DMD: variants seen among roughly 807,000 people sequenced by gnomAD.
DMD encodes dystrophin.
In DMD, 63 loss-of-function variants were observed where a neutral mutation model predicts 330.1. The ratio of observed to expected loss-of-function variants is 0.19; its 90% CI spans 0.16 to 0.24. The LOEUF (loss-of-function observed/expected upper bound fraction) is 0.24. Among genes scored for constraint, DMD ranks in the 10% least tolerant of loss-of-function variants. The probability of loss-of-function intolerance (pLI) is 1.00; values close to 1 mark genes in which losing one functional copy is unlikely to be tolerated. For synonymous variants in DMD, 1,223 were observed against 959.8 expected (o/e 1.27, Z -5.07); for missense variants, 3,344 against 2,684.1 (o/e 1.25, Z -5.43).
intron 1 of DMD, among the ~76,000 whole-genome samples, chrX:33,301,047 G>A (rs1465384831): frequency 2.7e-5 from 3 of 111,654 alleles, no homozygotes; most frequent in Non-Finnish European, 5.6e-5. Context: ...TGCACTCGCT[G>A]TCCTTCAGTA....
intron 21 of DMD, among the ~76,000 whole-genome samples, chrX:32,475,311 T>C (rs1171274439): frequency 9.0e-6 from 1 of 111,651 alleles, no homozygotes; most frequent in African/African-American, 3.3e-5. Flanking sequence ...TTTGTTCTTT[T>C]TGCTTAGTCT....
intron 2 of DMD, among the ~76,000 whole-genome samples, chrX:32,912,715 T>G (rs1049696764): frequency 2.7e-5 from 3 of 111,594 alleles, no homozygotes; most frequent in Non-Finnish European, 5.6e-5. Context: ...GCAAGACTAT[T>G]TCTCTTTTAG....
chrX:33,025,239 A>G (rs2093974916), intron 1 of DMD, among the ~76,000 whole-genome samples: 1 of 112,262 alleles, frequency 8.9e-6, no homozygotes, highest in Non-Finnish European at 1.9e-5. Context: ...GGAGGAGGAT[A>G]AAGATGAATC....
At chrX:33,192,504 A>G (rs1239587206) in intron 1 of DMD, among the ~76,000 whole-genome samples, 1 of 112,242 alleles carries the variant, frequency 8.9e-6, no homozygotes, top group Non-Finnish European at 1.9e-5. Flanking sequence ...AATATGCAAC[A>G]ATTTAATTTC....
intron 47 of DMD, among the ~76,000 whole-genome samples, chrX:31,914,009 A>G (rs16989951): frequency 0.014 from 1,600 of 112,325 alleles, 29 homozygotes; most frequent in African/African-American, 0.047. Context: ...CATCACCACA[A>G]TTTGAACTAA....
intron 42 of DMD, among the ~76,000 whole-genome samples, chrX:32,294,431 GTA>G (rs2097487190): frequency 9.0e-6 from 1 of 111,636 alleles, no homozygotes; most frequent in South Asian, 3.8e-4. Context: ...GTGTTTGTGC[GTA>G]TGTGTGTGTA....
At chrX:31,145,659 T>C (rs2036592798) in intron 76 of DMD, among the ~76,000 whole-genome samples, 1 of 104,606 alleles carries the variant, frequency 9.6e-6, no homozygotes, top group African/African-American at 3.8e-5. Context: ...CCCTGGGAAC[T>C]CTATTTTTTT....
intron 13 of DMD, among the ~76,000 whole-genome samples, chrX:32,591,482 T>C (rs1306847937): frequency 8.9e-6 from 1 of 112,357 alleles, no homozygotes; most frequent in Non-Finnish European, 1.9e-5. Context: ...AAAGGCTTTC[T>C]TTATGGTCTT....
At chrX:32,758,981 C>T (rs1378051337) in intron 7 of DMD, among the ~76,000 whole-genome samples, 1 of 112,009 alleles carries the variant, frequency 8.9e-6, no homozygotes, top group Admixed American at 9.5e-5. Flanking sequence ...TTCTCTATTT[C>T]GAAACATGCT....
intron 1 of DMD, among the ~76,000 whole-genome samples, chrX:33,020,538 G>A (rs1467772236): frequency 9.0e-6 from 1 of 111,494 alleles, no homozygotes; most frequent in Non-Finnish European, 1.9e-5. Flanking sequence ...GCCAGGCATG[G>A]TGGCATGCAC....
intron 50 of DMD, among the ~76,000 whole-genome samples, chrX:31,783,589 G>C (rs2149281589): frequency 9.0e-6 from 1 of 111,198 alleles, no homozygotes; most frequent in South Asian, 3.8e-4. Context: ...AAAATTTGTT[G>C]TTGTTTTCAC....
At chrX:32,148,692 T>C (rs1349548125) in intron 44 of DMD, among the ~76,000 whole-genome samples, 1 of 111,391 alleles carries the variant, frequency 9.0e-6, no homozygotes, top group Non-Finnish European at 1.9e-5. Context: ...TCCTACAAAA[T>C]GAAATAGGAA....
chrX:32,100,839 C>T (rs2096536631), intron 44 of DMD, among the ~76,000 whole-genome samples: 1 of 111,894 alleles, frequency 8.9e-6, no homozygotes, highest in South Asian at 3.7e-4. Flanking sequence ...CTTCGCCATG[C>T]TTCTTTTGCT....
At chrX:31,769,619 A>G (rs1431883814) in intron 51 of DMD, among the ~76,000 whole-genome samples, 1 of 111,653 alleles carries the variant, frequency 9.0e-6, no homozygotes, top group Admixed American at 9.5e-5. Flanking sequence ...AAGTCACAAA[A>G]AGTATCTCAT....
intron 34 of DMD, among the ~76,000 whole-genome samples, chrX:32,370,024 T>G (rs903775445): frequency 9.0e-6 from 1 of 111,357 alleles, no homozygotes; most frequent in East Asian, 2.8e-4. Flanking sequence ...ACTTAGTATT[T>G]GCAAATATTA....
chrX:32,924,420 G>C (rs757226398), intron 2 of DMD, among the ~76,000 whole-genome samples: 2 of 111,080 alleles, frequency 1.8e-5, no homozygotes, highest in African/African-American at 6.5e-5. Context: ...AGCTACTCAG[G>C]AGGTGCAGGT....
At chrX:31,376,005 G>C (rs1434118291) in intron 60 of DMD, among the ~76,000 whole-genome samples, 5 of 111,428 alleles carry the variant, frequency 4.5e-5, no homozygotes, top group Non-Finnish European at 1.9e-5. Context: ...TTTCAAACAT[G>C]ATTGAAGCTC....
intron 29 of DMD, among the ~76,000 whole-genome samples, chrX:32,429,534 T>A (rs576471210): frequency 1.9e-5 from 2 of 107,959 alleles, no homozygotes; most frequent in South Asian, 8.1e-4. Context: ...TTCTACCATC[T>A]ATTTTTTTCT....
At chrX:32,225,052 C>T (rs913860185) in intron 43 of DMD, among the ~76,000 whole-genome samples, 1 of 111,874 alleles carries the variant, frequency 8.9e-6, no homozygotes, top group African/African-American at 3.2e-5. Flanking sequence ...GATGTGTTCC[C>T]CTCAAAGGAA....
Sources: gnomAD v4.1 joint callset for allele counts (sites outside exome capture counted in the v4.1 genomes callset) on GRCh38, gnomAD v4.1.1 for gene constraint, MANE v1.5 for transcripts, NCBI Gene and HGNC (gene_info 2026-07-23, HGNC 2026-07-21) for gene names.